CREB5: variants seen among roughly 807,000 people sequenced by gnomAD.
CREB5 encodes the protein cAMP responsive element binding protein 5, also known as cyclic AMP-responsive element-binding protein 5.
In CREB5, 19 loss-of-function variants were observed where a neutral mutation model predicts 57.1. The ratio of observed to expected loss-of-function variants is 0.33; its 90% CI spans 0.23 to 0.49. CREB5 has a LOEUF of 0.49. Ranked by LOEUF, CREB5 falls within the 20% of genes least tolerant of loss-of-function variation. CREB5 has a pLI of 0.99. For synonymous variants in CREB5, 238 were observed against 238.3 expected (o/e 1.00, Z 0.01); for missense variants, 579 against 671.6 (o/e 0.86, Z 1.52).
chr7:28,657,786 T>C (rs1477494649), intron 5 of CREB5, among the ~76,000 whole-genome samples: 4 of 151,928 alleles, frequency 2.6e-5, no homozygotes, highest in Non-Finnish European at 5.9e-5. Flanking sequence ...GTCTCCTTTG[T>C]AAAAGTAGTG....
intron 1 of CREB5, among the ~76,000 whole-genome samples, chr7:28,315,665 G>A (rs573617996): frequency 1.3e-5 from 2 of 152,212 alleles, no homozygotes; most frequent in Admixed American, 6.5e-5. Context: ...ACCTCGTCCC[G>A]ACGCGTTGGA....
chr7:28,626,971 G>A (rs6956545), intron 5 of CREB5, among the ~76,000 whole-genome samples: 2,918 of 152,240 alleles, frequency 0.019, 100 homozygotes, highest in African/African-American at 0.067. Flanking sequence ...TGCTCTCAAT[G>A]CTTGCAATGA....
chr7:28,416,800 G>A (rs1025449575), intron 1 of CREB5, among the ~76,000 whole-genome samples: 3 of 152,204 alleles, frequency 2.0e-5, no homozygotes, highest in African/African-American at 7.2e-5. Context: ...CCTTCAGGTA[G>A]TGTTTCCCTA....
intron 7 of CREB5, among the ~76,000 whole-genome samples, chr7:28,771,605 C>A (rs1470687681): frequency 6.6e-6 from 1 of 152,150 alleles, no homozygotes; most frequent in Non-Finnish European, 1.5e-5. Context: ...ATGTCATGAT[C>A]TCTCTGTGTG....
chr7:28,548,276 C>G (rs553498947), intron 4 of CREB5, among the ~76,000 whole-genome samples: 1 of 152,236 alleles, frequency 6.6e-6, no homozygotes, highest in South Asian at 2.1e-4. Context: ...GATTCCTAGT[C>G]CATACCTTTT....
intron 1 of CREB5, among the ~76,000 whole-genome samples, chr7:28,372,448 A>G (rs1032639376): frequency 6.6e-6 from 1 of 152,232 alleles, no homozygotes. Context: ...TTAGCCTGGT[A>G]AAAAGCAAAA....
Position 28,417,783 on chromosome 7 carries a change from TA to T in CREB5, c.3+4867del, listed in dbSNP as rs1332544663. 1.4e-3 allele frequency among the ~76,000 whole-genome samples: 206 copies of T among 152,316 alleles called. 5 individuals carry two copies. The highest frequency in any genetic ancestry group is 1.6e-4 in the Non-Finnish European group (11 of 68,030). The stretch of plus-strand genomic sequence containing the variant: ...GAGTTCAAGGGCAGCAAGCAGTTGT[TA>T]CAAGCATGCTGCACCCTGCAACACA... On this transcript the variant is annotated intron_variant, in intron 1 of 10. Transcript: ENST00000357727.
At chr7:28,782,002 G>A (rs1045989044) in intron 7 of CREB5, among the ~76,000 whole-genome samples, 1 of 150,582 alleles carries the variant, frequency 6.6e-6, no homozygotes, top group South Asian at 2.1e-4. Flanking sequence ...TTGGCCTCAC[G>A]AGATCTACCC....
At chr7:28,474,238 G>A (rs998237869) in intron 1 of CREB5, among the ~76,000 whole-genome samples, 13 of 152,306 alleles carry the variant, frequency 8.5e-5, no homozygotes, top group African/African-American at 3.1e-4. Context: ...GGACTGGTCT[G>A]TGTAGGAAAT....
At chr7:28,761,371 G>T (rs925437172) in intron 7 of CREB5, among the ~76,000 whole-genome samples, 1 of 152,152 alleles carries the variant, frequency 6.6e-6, no homozygotes, top group East Asian at 1.9e-4. Flanking sequence ...CGGAGTGAAG[G>T]TCTCAAGATC....
chr7:28,657,319 C>T (rs1248715175), intron 5 of CREB5, among the ~76,000 whole-genome samples: 2 of 152,178 alleles, frequency 1.3e-5, no homozygotes. Context: ...CAAGCCAGAG[C>T]CTGCTTTGAT....
Position 28,560,977 on chromosome 7 carries a change from T to TGTGC in CREB5, c.292-9380_292-9377dup, listed in dbSNP as rs1285585171. On this transcript the variant is annotated intron_variant, in intron 4 of 10. Coordinates refer to ENST00000357727, the MANE Select transcript of CREB5 (RefSeq NM_182898.4). ...GTGTGTGTGCGTGTGTGTGTGCGTG[T>TGTGC]GTGCGTGCGTGTGTGTGCCTGCGTG... Among the ~76,000 whole-genome samples, 32 of 49,028 alleles carry TGTGC rather than the reference T, an allele frequency of 6.5e-4. 1 individual carries two copies. Among genetic ancestry groups the TGTGC allele is most frequent in the East Asian group, 3.8e-3 (4 of 1,040 alleles). 32.2% of individuals were successfully genotyped at this position (49,028 alleles called of 152,430 possible). A position where few individuals can be genotyped will look rare whatever the true frequency, so the allele number is the denominator to read the frequency against.
Position 28,413,706 on chromosome 7 carries a change from A to C in CREB5, c.3+789A>C, listed in dbSNP as rs75472723. ...TTAGAACATTCCAACAAAAAATTGGAAACCATGCCCTTATTTCTAGATCTC... is the reference window on the plus strand; with the variant it reads ...TTAGAACATTCCAACAAAAAATTGGCAACCATGCCCTTATTTCTAGATCTC... On this transcript the variant is annotated intron_variant, in intron 1 of 10. Transcript: ENST00000357727. 3.4e-3 allele frequency among the ~76,000 whole-genome samples: 511 copies of C among 152,310 alleles called. 4 individuals carry two copies. The highest frequency in any genetic ancestry group is 0.011 in the African/African-American group (477 of 41,588).
At chr7:28,578,940 T>C (rs1796010853) in intron 5 of CREB5, among the ~76,000 whole-genome samples, 2 of 152,218 alleles carry the variant, frequency 1.3e-5, no homozygotes, top group Non-Finnish European at 2.9e-5. Flanking sequence ...TGATCTCAAA[T>C]TTTGAATGTA....
intron 10 of CREB5, 97 bp from the exon 11 acceptor site, chr7:28,819,019 C>G: frequency 2.3e-6 from 3 of 1,306,932 alleles, no homozygotes; most frequent in Non-Finnish European, 3.2e-6. Context: ...AAGTAAATAT[C>G]TAGTACAGTT....
At chr7:28,427,567 G>A (rs764601785) in intron 1 of CREB5, among the ~76,000 whole-genome samples, 3 of 151,812 alleles carry the variant, frequency 2.0e-5, no homozygotes, top group Non-Finnish European at 2.9e-5. Flanking sequence ...TTTTGGATAC[G>A]CTCACACTTT....
At chr7:28,623,758 G>A (rs1562533385) in intron 5 of CREB5, among the ~76,000 whole-genome samples, 1 of 152,144 alleles carries the variant, frequency 6.6e-6, no homozygotes, top group Non-Finnish European at 1.5e-5. Flanking sequence ...ACAGCAGAAT[G>A]ACAGAATTTT....
intron 1 of CREB5, among the ~76,000 whole-genome samples, chr7:28,376,961 A>C (rs560490786): frequency 6.6e-6 from 1 of 152,352 alleles, no homozygotes; most frequent in African/African-American, 2.4e-5. Context: ...TCCCAATCAT[A>C]CAATTATAGG....
intron 4 of CREB5, among the ~76,000 whole-genome samples, chr7:28,550,252 C>T (rs543661659): frequency 3.3e-5 from 5 of 151,996 alleles, no homozygotes; most frequent in Admixed American, 6.6e-5. Flanking sequence ...TTCTTATTAA[C>T]GTTTTCATAG....
Sources: gnomAD v4.1 joint callset for allele counts (sites outside exome capture counted in the v4.1 genomes callset) on GRCh38, gnomAD v4.1.1 for gene constraint, MANE v1.5 for transcripts, NCBI Gene and HGNC (gene_info 2026-07-23, HGNC 2026-07-21) for gene names.